Variants in NLRP2 observed in about 807,000 individuals in gnomAD.
The protein encoded by NLRP2 is NACHT, LRR and PYD domains-containing protein 2.
Under a neutral mutation model 97.2 loss-of-function variants are expected in NLRP2, and 107 were observed. That is an observed-to-expected ratio of 1.10 (90% CI 0.94 to 1.29). The LOEUF (loss-of-function observed/expected upper bound fraction) is 1.29, where lower values mean the gene tolerates loss of function less well. Among genes scored for constraint, NLRP2 ranks in the 50% most tolerant of loss-of-function variants. NLRP2 has a pLI of 0.00. For missense variants in NLRP2, 1,495 were observed against 1,330.3 expected, an observed-to-expected ratio of 1.12 and a Z score of -1.93; for synonymous variants, 663 against 551.5, an observed-to-expected ratio of 1.20 and a Z score of -2.83.
intron 12 of NLRP2, among the ~76,000 whole-genome samples, chr19:54,999,990 C>T: frequency 6.6e-6 from 1 of 151,590 alleles, no homozygotes; most frequent in Non-Finnish European, 1.5e-5. Flanking sequence ...GCCCACCTCA[C>T]TCTCCCAAAG....
intron 2 of NLRP2, among the ~76,000 whole-genome samples, chr19:54,971,422 G>C (rs549414281): frequency 6.6e-6 from 1 of 152,118 alleles, no homozygotes; most frequent in Non-Finnish European, 1.5e-5. Flanking sequence ...GGTTGAACTA[G>C]TTTACAGTCC....
chr19:54,990,481 C>A, intron 9 of NLRP2, 21 bp from the exon 10 acceptor site: 1 of 1,613,726 alleles, frequency 6.2e-7, no homozygotes, highest in Non-Finnish European at 8.5e-7. Context: ...AACCGTGTTG[C>A]CATTTGTGAT....
intron 8 of NLRP2, chr19:54,986,548 T>C (rs2072100052): frequency 1.8e-6 from 1 of 560,488 alleles, no homozygotes; most frequent in South Asian, 2.1e-5. Context: ...TCCCAGAATC[T>C]TTATCATCTT....
Position 55,000,967 on chromosome 19 carries a change from CCT to C in NLRP2, c.*73_*74del, listed in dbSNP as rs2073158618. ...AGGTGTTGGTGAACTGCCTGTGACT[CCT>C]CTCCTCCCCGGCCCCTACCCCTCAG... is the stretch of plus-strand genomic sequence containing the variant. On this transcript the variant is annotated 3_prime_UTR_variant, in exon 13 of 13. Coordinates refer to ENST00000448584, the MANE Select transcript of NLRP2 (RefSeq NM_017852.5). 6.5e-5 allele frequency: 92 copies of C among 1,418,802 alleles called. No homozygotes were observed. In the South Asian group the frequency reaches 7.7e-4, roughly 12 times the overall value. The allele number at this position is 1,418,802 out of a possible 1,614,324, so 87.9% of individuals were successfully genotyped here. A position where few individuals can be genotyped will look rare whatever the true frequency, so the allele number is the denominator to read the frequency against.
chr19:54,967,917 A>ATTTTTTT (rs55659818), intron 1 of NLRP2, among the ~76,000 whole-genome samples: 102 of 126,290 alleles, frequency 8.1e-4, no homozygotes, highest in Non-Finnish European at 1.3e-3. Context: ...TGCTACTGCT[A>ATTTTTTT]TTTTTTTTTT....
Position 54,976,810 on chromosome 19 carries a change from C to CTTTTTTTTTTTTTTTT in NLRP2, c.326-941_326-940insTTTTTTTTTTTTTTTT, listed in dbSNP as rs749684265. 2.4e-3 allele frequency: 776 copies of CTTTTTTTTTTTTTTTT among 319,822 alleles called. 145 individuals are homozygous for CTTTTTTTTTTTTTTTT. Among genetic ancestry groups the CTTTTTTTTTTTTTTTT allele is most frequent in the East Asian group, 2.9e-3 (25 of 8,520 alleles). The allele number at this position is 319,822 out of a possible 1,614,324, so 19.8% of individuals were successfully genotyped here. A position where few individuals can be genotyped will look rare whatever the true frequency, so the allele number is the denominator to read the frequency against. ...TTATTAGGATTCCACCTTGTTCTCT[C>CTTTTTTTTTTTTTTTT]TCTTTTTTTTTTTTTTTTTGATACG... is the stretch of plus-strand genomic sequence containing the variant. On this transcript the variant is annotated intron_variant, in intron 3 of 12. Coordinates refer to ENST00000448584, the MANE Select transcript of NLRP2 (RefSeq NM_017852.5).
intron 4 of NLRP2, among the ~76,000 whole-genome samples, chr19:54,979,755 C>T (rs1351067670): frequency 2.6e-5 from 4 of 152,106 alleles, no homozygotes; most frequent in Non-Finnish European, 2.9e-5. Context: ...TCTCTAGACA[C>T]GGCCAATGTC....
intron 3 of NLRP2, among the ~76,000 whole-genome samples, chr19:54,975,057 T>C (rs1417055830): frequency 6.9e-6 from 1 of 145,334 alleles, no homozygotes. Flanking sequence ...CACCTCAGCG[T>C]CCCAAAATGC....
rs57127017 is a variant in NLRP2, at chr19:54,990,718, G to GC, written c.2708+52dup. 4,128 of 1,595,316 alleles carry GC rather than the reference G, an allele frequency of 2.6e-3. 83 individuals carry two copies. In the African/African-American group the frequency reaches 0.047, roughly 18 times the overall value. ...TGTGTGCGTGGGTGTATATGCACAC[G>GC]CCCCCCACCTCCGGGTTTGAGTAGG... On this transcript the variant is annotated intron_variant, in intron 10 of 12. Coordinates refer to ENST00000448584, the MANE Select transcript of NLRP2 (RefSeq NM_017852.5).
At position 54,994,349 on chromosome 19, in the gene NLRP2, T is replaced by C. The variant is rs1250231732; in HGVS notation, c.2789T>C (p.Leu930Ser). The C allele has an allele frequency of 6.2e-7, 1 of 1,614,038 alleles. No homozygotes were observed. The highest frequency in any genetic ancestry group is 8.5e-7 in the Non-Finnish European group (1 of 1,180,044). ...CAAGAAAAATCAAGCCTGTTGTGTT[T>C]GGATCTGGGGCTGAATCACATAGGA... ...LLQEKSSLLC[L>S]DLGLNHIGVK... The change falls in exon 11 of 13, where the codon TTG (leucine) becomes TCG (serine). Residue 930 changes from leucine to serine, a missense_variant. By Grantham distance (145) the Leu-to-Ser change is moderately radical. Transcript: ENST00000448584.
Position 54,982,989 on chromosome 19 carries a change from C to T in NLRP2, c.1291C>T (p.Arg431Cys), listed in dbSNP as rs1428884992. 5 of 1,610,774 alleles carry T rather than the reference C, an allele frequency of 3.1e-6. No individual in the cohort carries two copies. Among genetic ancestry groups the T allele is most frequent in the East Asian group, 4.5e-5 (2 of 44,824 alleles). Residue 431 changes from arginine to cysteine, a missense_variant, in exon 6 of 13, where the codon CGT becomes TGT. Physicochemically the swap from Arg to Cys is radical, Grantham distance 180 (BLOSUM62 -3). Coordinates refer to ENST00000448584, the MANE Select transcript of NLRP2 (RefSeq NM_017852.5). The stretch of plus-strand genomic sequence containing the variant: ...CCTCACCCGCACGGGGCTGTTCCTG[C>T]GTTTCCTCTGCAGCCGGTTCCCGCA... ...TCLTRTGLFLRFLCSRFPQGA... is the reference protein window; with the variant it reads ...TCLTRTGLFLCFLCSRFPQGA...
At chr19:54,968,159 C>A (rs1208422138) in intron 1 of NLRP2, among the ~76,000 whole-genome samples, 1 of 152,022 alleles carries the variant, frequency 6.6e-6, no homozygotes, top group African/African-American at 2.4e-5. Flanking sequence ...CTCAGGTGAT[C>A]CTCCCACCTT....
rs759248475 is a variant in NLRP2 at position 54,970,212 on chromosome 19, A to G, written c.197A>G (p.Tyr66Cys). Reference protein sequence around the residue: ...VEILTTHCDSYWVEMASLQVF... With the variant: ...VEILTTHCDSCWVEMASLQVF... ...ATCCTCACCACCCATTGTGACAGCT[A>G]CTGGGTGGAGATGGCGAGCCTCCAG... The change falls in exon 2 of 13, where the codon TAC becomes TGC. Residue 66 changes from tyrosine to cysteine, a missense_variant. Physicochemically the swap from Tyr to Cys is radical, Grantham distance 194 (BLOSUM62 -2). Coordinates refer to ENST00000448584, the MANE Select transcript of NLRP2 (RefSeq NM_017852.5). 3 of 1,614,172 alleles carry G rather than the reference A, an allele frequency of 1.9e-6. No homozygotes were observed. Among genetic ancestry groups the G allele is most frequent in the Admixed American group, 3.3e-5 (2 of 59,990 alleles).
Position 54,990,684 on chromosome 19 carries a change from C to G in NLRP2, c.2708+12C>G. The G allele has an allele frequency of 6.2e-7, 1 of 1,614,072 alleles. No individual in the cohort carries two copies. Among genetic ancestry groups the G allele is most frequent in the East Asian group, 2.2e-5 (1 of 44,876 alleles). On this transcript the variant is annotated intron_variant, in intron 10 of 12. Coordinates refer to ENST00000448584, the MANE Select transcript of NLRP2 (RefSeq NM_017852.5). Reference sequence around the variant, plus strand: ...CTGCAGACCTTGGTGTAAGTCCGTGCTGGCTGCCTGTGTGCGTGGGTGTAT... The same window carrying G: ...CTGCAGACCTTGGTGTAAGTCCGTGGTGGCTGCCTGTGTGCGTGGGTGTAT...
intron 11 of NLRP2, 94 bp from the exon 12 acceptor site, chr19:54,997,223 T>C: frequency 7.6e-7 from 1 of 1,314,768 alleles, no homozygotes. Context: ...CTGTTGGTCA[T>C]GCAGATCCCC....
intron 2 of NLRP2, among the ~76,000 whole-genome samples, chr19:54,971,252 T>A (rs925167901): frequency 1.3e-5 from 2 of 150,436 alleles, no homozygotes; most frequent in African/African-American, 2.4e-5. Context: ...TCCAAGTCTT[T>A]GCTATTGTGA....
intron 3 of NLRP2, among the ~76,000 whole-genome samples, chr19:54,975,619 T>C (rs1200363870): frequency 6.6e-6 from 1 of 150,906 alleles, no homozygotes; most frequent in African/African-American, 2.4e-5. Context: ...GCCTGGCTAA[T>C]TTTTTTGTGT....
chr19:54,997,395 T>G lies in NLRP2; in HGVS notation c.2958T>G (p.Thr986=), dbSNP rs2072892308. 1 of 1,614,096 alleles carries G rather than the reference T, an allele frequency of 6.2e-7. No individual in the cohort carries two copies. Among genetic ancestry groups the G allele is most frequent in the African/African-American group, 1.3e-5 (1 of 74,928 alleles). ...TCAGCTGCAACCAGAGCCTCGTCAC[T>G]CTGGACCTGGGTCAGAATCCCTTGG... The part of the protein sequence containing the change: ...SALSCNQSLV[T]LDLGQNPLGS... The change falls in exon 12 of 13, where the codon ACT becomes ACG. Residue 986 remains threonine (T), a synonymous_variant. Transcript: ENST00000448584.
rs2071722291 is a variant in NLRP2, at chr19:54,983,015, G to A, written c.1317G>A (p.Gln439=). The part of the protein sequence containing the change: ...FLRFLCSRFP[Q]GAQLRGALRT... ...GTTTCCTCTGCAGCCGGTTCCCGCA[G>A]GGCGCACAGCTGCGGGGCGCGCTGC... is the stretch of plus-strand genomic sequence containing the variant. The change falls in exon 6 of 13, where the codon CAG becomes CAA. Residue 439 remains glutamine, a synonymous_variant. Transcript: ENST00000448584. The A allele has an allele frequency of 1.9e-6, 3 of 1,611,010 alleles. No homozygotes were observed. Among genetic ancestry groups the A allele is most frequent in the Non-Finnish European group, 1.7e-6 (2 of 1,179,516 alleles).
Sources: allele counts gnomAD v4.1 joint callset (sites outside exome capture counted in the v4.1 genomes callset), GRCh38; gene constraint gnomAD v4.1.1; transcripts MANE v1.5; gene names NCBI Gene and HGNC (gene_info 2026-07-23, HGNC 2026-07-21).